TGFBR3: variants seen among roughly 807,000 people sequenced by gnomAD.
TGFBR3 encodes the protein transforming growth factor beta receptor 3.
TGFBR3 carries 46 observed loss-of-function variants against 87.9 expected under a neutral mutation model. The observed-to-expected ratio is 0.52, with a 90% confidence interval of 0.41 to 0.67. TGFBR3 has a LOEUF of 0.67. TGFBR3 is among the 30% of genes least tolerant of loss of function. The pLI, the probability that TGFBR3 is intolerant of heterozygous loss-of-function variation, is 0.00. For synonymous variants in TGFBR3, 381 were observed against 391.6 expected, an observed-to-expected ratio of 0.97 and a Z score of 0.32; for missense variants, 866 against 1,041.9, an observed-to-expected ratio of 0.83 and a Z score of 2.32.
intron 2 of TGFBR3, among the ~76,000 whole-genome samples, chr1:91,825,365 A>C (rs887325677): frequency 6.6e-6 from 1 of 152,268 alleles, no homozygotes; most frequent in Non-Finnish European, 1.5e-5. Context: ...AAACATGCTA[A>C]GTGAAAGAAA....
chr1:91,730,131 G>A (rs1258764029), intron 5 of TGFBR3, among the ~76,000 whole-genome samples, 158 bp from the exon 6 acceptor site: 1 of 152,164 alleles, frequency 6.6e-6, no homozygotes, highest in Non-Finnish European at 1.5e-5. Flanking sequence ...CCACTGCCCT[G>A]AAATGCATCC....
At chr1:91,787,943 G>GGGGAAAAAAAAAAAAAAAA (rs945269870) in intron 3 of TGFBR3, among the ~76,000 whole-genome samples, 1 of 133,314 alleles carries the variant, frequency 7.5e-6, no homozygotes, top group Admixed American at 7.4e-5. Context: ...GTCTCACGGG[G>GGGGAAAAAAAAAAAAAAAA]AAAAAAAAAA....
Position 91,734,854 on chromosome 1 carries a change from C to A in TGFBR3, c.490G>T (p.Ala164Ser). Residue 164 changes from alanine (A) to serine (S), a missense_variant, in exon 5 of 17, where the codon GCC (alanine) becomes TCC (serine). Ala to Ser is a moderately conservative substitution (Grantham distance 99, BLOSUM62 1). Coordinates refer to ENST00000212355, the MANE Select transcript of TGFBR3 (RefSeq NM_003243.5). ...GTAACTGCTCCATACTCTTTTCGGG[C>A]CCAATTTAACAGATGTTCATTTCCA... ...PHGNEHLLNW[A>S]RKEYGAVTSF... The A allele has an allele frequency of 6.2e-7, 1 of 1,614,174 alleles. No homozygotes were observed. The highest frequency in any genetic ancestry group is 8.5e-7 in the Non-Finnish European group (1 of 1,180,012).
intron 2 of TGFBR3, among the ~76,000 whole-genome samples, chr1:91,805,930 T>C (rs17886174): frequency 2.4e-4 from 37 of 152,272 alleles, no homozygotes; most frequent in African/African-American, 7.9e-4. Flanking sequence ...AGCTCCAGAC[T>C]TTTCCCCTGG....
chr1:91,736,322 G>A (rs1236251339), intron 4 of TGFBR3, among the ~76,000 whole-genome samples: 1 of 150,504 alleles, frequency 6.6e-6, no homozygotes, highest in East Asian at 2.0e-4. Flanking sequence ...TGACAGCACT[G>A]ATACGTAGTA....
At chr1:91,860,802 G>A (rs1414219385) in intron 2 of TGFBR3, among the ~76,000 whole-genome samples, 1 of 151,616 alleles carries the variant, frequency 6.6e-6, no homozygotes, top group African/African-American at 2.4e-5. Context: ...TGTAGTGGCA[G>A]GCATCTGCAG....
chr1:91,718,996 T>A (rs1222512342), intron 10 of TGFBR3, among the ~76,000 whole-genome samples: 3 of 152,170 alleles, frequency 2.0e-5, no homozygotes, highest in African/African-American at 7.2e-5. Context: ...TAAAATTTTA[T>A]CCTTATAAGG....
chr1:91,790,622 T>C (rs144224571), intron 3 of TGFBR3, among the ~76,000 whole-genome samples: 112 of 152,360 alleles, frequency 7.4e-4, no homozygotes, highest in Middle Eastern at 6.8e-3. Flanking sequence ...ATTTCACTGA[T>C]ATACAGTGTC....
intron 3 of TGFBR3, among the ~76,000 whole-genome samples, chr1:91,783,051 T>C (rs1674833266): frequency 6.6e-6 from 1 of 152,178 alleles, no homozygotes; most frequent in Non-Finnish European, 1.5e-5. Flanking sequence ...AGTTAAGCCA[T>C]AATGGGCACA....
chr1:91,839,274 C>T (rs1007132434), intron 2 of TGFBR3, among the ~76,000 whole-genome samples: 6 of 152,188 alleles, frequency 3.9e-5, no homozygotes, highest in Non-Finnish European at 8.8e-5. Flanking sequence ...CCACCACACC[C>T]AGCCAAATCT....
intron 2 of TGFBR3, among the ~76,000 whole-genome samples, chr1:91,860,042 T>C (rs1263151308): frequency 6.6e-6 from 1 of 152,330 alleles, no homozygotes; most frequent in Non-Finnish European, 1.5e-5. Flanking sequence ...TATTGGAGTC[T>C]TAAGGGAGAT....
chr1:91,837,963 A>G (rs1162639608), intron 2 of TGFBR3, among the ~76,000 whole-genome samples: 2 of 152,210 alleles, frequency 1.3e-5, no homozygotes, highest in Non-Finnish European at 2.9e-5. Context: ...ATTGCTGCAT[A>G]ATGCCCATGC....
chr1:91,873,673 G>A (rs994676066), intron 1 of TGFBR3, among the ~76,000 whole-genome samples: 2 of 152,156 alleles, frequency 1.3e-5, no homozygotes, highest in African/African-American at 4.8e-5. Flanking sequence ...TGGGCTGAGC[G>A]CTGTGGCTAA....
At chr1:91,859,266 C>T (rs1678082547) in intron 2 of TGFBR3, among the ~76,000 whole-genome samples, 1 of 152,076 alleles carries the variant, frequency 6.6e-6, no homozygotes, top group African/African-American at 2.4e-5. Flanking sequence ...CCATAAAGTG[C>T]CTTCTTCAGT....
intron 7 of TGFBR3, among the ~76,000 whole-genome samples, chr1:91,726,102 G>A (rs925522000): frequency 6.6e-6 from 1 of 152,170 alleles, no homozygotes; most frequent in African/African-American, 2.4e-5. Context: ...AACAGATCTT[G>A]CACTGGGATG....
At chr1:91,687,070 A>C (rs866043961) in intron 16 of TGFBR3, among the ~76,000 whole-genome samples, 1 of 152,188 alleles carries the variant, frequency 6.6e-6, no homozygotes, top group Non-Finnish European at 1.5e-5. Context: ...ACTCTGGAGG[A>C]GGAGAGTACA....
chr1:91,739,844 G>C (rs1673096176), intron 4 of TGFBR3, among the ~76,000 whole-genome samples: 1 of 152,196 alleles, frequency 6.6e-6, no homozygotes, highest in Non-Finnish European at 1.5e-5. Flanking sequence ...AATCATGGTG[G>C]AAGGTGAAGA....
chr1:91,824,043 T>C (rs930414063), intron 2 of TGFBR3, among the ~76,000 whole-genome samples: 12 of 152,076 alleles, frequency 7.9e-5, no homozygotes, highest in South Asian at 6.2e-4. Flanking sequence ...GGTAGGAGGA[T>C]CACCTGAGCC....
At chr1:91,722,359 T>C (rs1379047195) in intron 7 of TGFBR3, among the ~76,000 whole-genome samples, 3 of 152,154 alleles carry the variant, frequency 2.0e-5, no homozygotes, top group African/African-American at 7.2e-5. Context: ...ATCATACTAT[T>C]TGTATTGCCT....
Sources: allele counts gnomAD v4.1 joint callset (sites outside exome capture counted in the v4.1 genomes callset), GRCh38; gene constraint gnomAD v4.1.1; transcripts MANE v1.5; gene names NCBI Gene and HGNC (gene_info 2026-07-23, HGNC 2026-07-21).